Variants in TRPM3 observed in about 807,000 individuals in gnomAD.
TRPM3 encodes the protein transient receptor potential cation channel subfamily M member 3.
A neutral mutation model predicts 181.2 loss-of-function variants in TRPM3; 77 were observed. That is an observed-to-expected ratio of 0.42 (90% CI 0.35 to 0.51). The LOEUF (loss-of-function observed/expected upper bound fraction) is 0.51. Ranked by LOEUF, TRPM3 falls within the 20% of genes least tolerant of loss-of-function variation. The pLI is 0.01. For missense variants in TRPM3, 1,759 were observed against 2,196.7 expected (o/e 0.80, Z 3.98); for synonymous variants, 745 against 796.4 (o/e 0.94, Z 1.09).
At chr9:71,266,582 T>G (rs182343250) in intron 1 of TRPM3, among the ~76,000 whole-genome samples, 1 of 152,142 alleles carries the variant, frequency 6.6e-6, no homozygotes, top group Non-Finnish European at 1.5e-5. Context: ...AATTTCAGTG[T>G]GTTTTGTGTT....
chr9:70,650,812 C>G (rs559364212), intron 9 of TRPM3, among the ~76,000 whole-genome samples: 279 of 152,270 alleles, frequency 1.8e-3, no homozygotes, highest in Non-Finnish European at 2.8e-3. Context: ...ATGATTCCCC[C>G]GCTTCATTCT....
chr9:71,286,523 G>A (rs1284824521), intron 1 of TRPM3, among the ~76,000 whole-genome samples: 2 of 152,068 alleles, frequency 1.3e-5, no homozygotes, highest in East Asian at 1.9e-4. Context: ...GTTACAATGA[G>A]TGTGGAAGAC....
At chr9:71,041,286 C>T (rs1439430915) in intron 1 of TRPM3, among the ~76,000 whole-genome samples, 2 of 151,930 alleles carry the variant, frequency 1.3e-5, no homozygotes, top group Non-Finnish European at 2.9e-5. Flanking sequence ...TTTGGTGAAT[C>T]CAAGTAAAGT....
chr9:71,220,356 T>TTTATTATTATTATTATTA (rs34805476), intron 1 of TRPM3, among the ~76,000 whole-genome samples: 2 of 145,928 alleles, frequency 1.4e-5, no homozygotes, highest in African/African-American at 5.0e-5. Context: ...AAAAGTCTGA[T>TTTATTATTATTATTATTA]TTATTATTAT....
At chr9:70,908,573 A>C (rs1298824573) in intron 1 of TRPM3, among the ~76,000 whole-genome samples, 1 of 152,248 alleles carries the variant, frequency 6.6e-6, no homozygotes, top group Non-Finnish European at 1.5e-5. Flanking sequence ...CAGCATATTC[A>C]TGGATTCCAA....
intron 1 of TRPM3, among the ~76,000 whole-genome samples, chr9:71,396,780 G>A (rs1391148373): frequency 6.6e-6 from 1 of 150,680 alleles, no homozygotes; most frequent in Non-Finnish European, 1.5e-5. Flanking sequence ...TGGCTAACAC[G>A]GTGAAACCCC....
chr9:71,104,088 A>AT (rs906100620), intron 1 of TRPM3, among the ~76,000 whole-genome samples: 2 of 151,864 alleles, frequency 1.3e-5, no homozygotes, highest in Non-Finnish European at 2.9e-5. Context: ...CTAATTTTGC[A>AT]TTTTTTTAGT....
chr9:71,174,298 T>C (rs922256939), intron 1 of TRPM3, among the ~76,000 whole-genome samples: 4 of 152,060 alleles, frequency 2.6e-5, no homozygotes, highest in South Asian at 2.1e-4. Context: ...TCCAAGCAAT[T>C]TGGGAGGCCA....
Position 71,069,301 on chromosome 9 carries a change from C to T in TRPM3, c.177+51877G>A, listed in dbSNP as rs1254917800. On this transcript the variant is annotated intron_variant, in intron 1 of 25. Transcript: ENST00000677713. ...AAGTGATTCTCCTGCCTCAGCCTCC[C>T]GAGTAGCTGGGACTACAGGCATGCA... 6.6e-5 allele frequency among the ~76,000 whole-genome samples: 10 copies of T among 152,152 alleles called. 1 individual carries two copies. In the South Asian group the frequency reaches 1.2e-3, roughly 19 times the overall value.
chr9:70,789,395 A>C (rs1384795893), intron 6 of TRPM3, among the ~76,000 whole-genome samples: 1 of 152,334 alleles, frequency 6.6e-6, no homozygotes, highest in Admixed American at 6.5e-5. Context: ...CTGGTCATTC[A>C]TTGAAAACAA....
intron 8 of TRPM3, among the ~76,000 whole-genome samples, chr9:70,696,642 C>T (rs1222783874): frequency 1.3e-5 from 2 of 152,186 alleles, no homozygotes; most frequent in Admixed American, 6.6e-5. Flanking sequence ...TTGAAGGACA[C>T]GCAGGGCCAA....
chr9:71,261,574 G>A (rs2083056338), intron 1 of TRPM3, among the ~76,000 whole-genome samples: 1 of 152,194 alleles, frequency 6.6e-6, no homozygotes, highest in African/African-American at 2.4e-5. Context: ...ATCCTTTGGA[G>A]AAGAAGCATT....
chr9:70,962,838 C>T (rs544815643), intron 1 of TRPM3, among the ~76,000 whole-genome samples: 1 of 152,094 alleles, frequency 6.6e-6, no homozygotes, highest in East Asian at 1.9e-4. Context: ...TTTTGAATAC[C>T]AAATCACCGG....
chr9:71,070,106 A>C (rs1032174178), intron 1 of TRPM3, among the ~76,000 whole-genome samples: 1 of 152,206 alleles, frequency 6.6e-6, no homozygotes, highest in African/African-American at 2.4e-5. Flanking sequence ...TCATCACCCC[A>C]ATCAGCATAT....
chr9:70,785,198 G>T (rs1261825132), intron 6 of TRPM3, among the ~76,000 whole-genome samples: 2 of 152,170 alleles, frequency 1.3e-5, no homozygotes, highest in African/African-American at 4.8e-5. Context: ...TTTCCCAAAA[G>T]TATTTAAGCT....
At chr9:70,855,584 G>A (rs2095365242) in intron 3 of TRPM3, among the ~76,000 whole-genome samples, 1 of 152,154 alleles carries the variant, frequency 6.6e-6, no homozygotes, top group Admixed American at 6.5e-5. Flanking sequence ...TCTGAAAAAT[G>A]GAACTATCAT....
At chr9:71,016,943 T>C (rs959036764) in intron 1 of TRPM3, among the ~76,000 whole-genome samples, 1 of 152,170 alleles carries the variant, frequency 6.6e-6, no homozygotes, top group Non-Finnish European at 1.5e-5. Flanking sequence ...ACATCTAATA[T>C]GTAGAAAGTG....
At chr9:70,764,712 T>C (rs1050719917) in intron 7 of TRPM3, among the ~76,000 whole-genome samples, 2 of 152,174 alleles carry the variant, frequency 1.3e-5, no homozygotes, top group African/African-American at 4.8e-5. Flanking sequence ...GGGATACCTA[T>C]TACAGGTGGA....
intron 9 of TRPM3, among the ~76,000 whole-genome samples, chr9:70,676,430 G>C (rs769504415): frequency 6.6e-6 from 1 of 152,154 alleles, no homozygotes; most frequent in East Asian, 1.9e-4. Flanking sequence ...TATTTTCTGC[G>C]GTTTTGGAGC....
Sources: gnomAD v4.1 joint callset for allele counts (sites outside exome capture counted in the v4.1 genomes callset) on GRCh38, gnomAD v4.1.1 for gene constraint, MANE v1.5 for transcripts, NCBI Gene and HGNC (gene_info 2026-07-23, HGNC 2026-07-21) for gene names.